The following PCDH19 variants were observed in gnomAD, a reference collection of about 807,000 sequenced individuals.
PCDH19 encodes the protein protocadherin-19.
A neutral mutation model predicts 46.2 loss-of-function variants in PCDH19; 6 were observed. That is an observed-to-expected ratio of 0.13 (90% CI 0.07 to 0.26). The LOEUF is 0.26. Ranked by LOEUF, PCDH19 falls within the 10% of genes least tolerant of loss-of-function variation. The pLI, the probability that PCDH19 is intolerant of heterozygous loss-of-function variation, is 1.00. For synonymous variants in PCDH19, 481 were observed against 415.7 expected (o/e 1.16, Z -1.91); for missense variants, 740 against 972.3 (o/e 0.76, Z 3.18).
chrX:100,364,307 G>A (rs1042364483), intron 3 of PCDH19, among the ~76,000 whole-genome samples: 1 of 111,626 alleles, frequency 9.0e-6, no homozygotes, highest in Non-Finnish European at 1.9e-5. Flanking sequence ...ATTCCTCAGG[G>A]GGGTGCTGTC....
At chrX:100,358,107 GAC>G (rs1392862226) in intron 3 of PCDH19, among the ~76,000 whole-genome samples, 5 of 112,104 alleles carry the variant, frequency 4.5e-5, no homozygotes, top group Non-Finnish European at 9.4e-5. Flanking sequence ...GGGATAAGAT[GAC>G]ACAGTTAGGT....
rs1250694072 is a variant in PCDH19 at position 100,408,657 on chromosome X, G to T, written c.-60C>A. 2 of 996,761 alleles carry T rather than the reference G, an allele frequency of 2.0e-6. No individual in the cohort carries two copies. Among genetic ancestry groups the T allele is most frequent in the East Asian group, 3.4e-5 (1 of 29,710 alleles). The allele number at this position is 996,761 out of a possible 1,213,427, so 82.1% of individuals were successfully genotyped here. ...ACACCCCTCCGAGACCGACGCCGTC[G>T]GCGCTCCAGCTTCCCGCCGGCTCGG... On this transcript the variant is annotated 5_prime_UTR_variant, in exon 1 of 6. Coordinates refer to ENST00000373034, the MANE Select transcript of PCDH19 (RefSeq NM_001184880.2).
At chrX:100,394,937 G>T (rs1927980149) in intron 3 of PCDH19, among the ~76,000 whole-genome samples, 1 of 102,868 alleles carries the variant, frequency 9.7e-6, no homozygotes, top group Non-Finnish European at 2.0e-5. Context: ...GCCCAGGCTG[G>T]AGTGCAGTGG....
chrX:100,346,168 C>A (rs1386298591), intron 4 of PCDH19, among the ~76,000 whole-genome samples: 1 of 111,795 alleles, frequency 8.9e-6, no homozygotes, highest in Non-Finnish European at 1.9e-5. Flanking sequence ...CAGGGTTCTG[C>A]ACAGAAGAGT....
chrX:100,349,167 CA>C (rs1926500327), intron 4 of PCDH19, among the ~76,000 whole-genome samples: 1 of 111,723 alleles, frequency 9.0e-6, no homozygotes, highest in South Asian at 3.8e-4. Flanking sequence ...CTGTTTTTAT[CA>C]AAGTTTTAAA....
intron 2 of PCDH19, among the ~76,000 whole-genome samples, chrX:100,403,210 A>G (rs1425683799): frequency 9.0e-6 from 1 of 111,640 alleles, no homozygotes; most frequent in Non-Finnish European, 1.9e-5. Flanking sequence ...CCTGGAACCA[A>G]AAGGAACTCC....
At chrX:100,320,076 G>A (rs1925427600) in intron 5 of PCDH19, among the ~76,000 whole-genome samples, 1 of 111,475 alleles carries the variant, frequency 9.0e-6, no homozygotes, top group African/African-American at 3.3e-5. Flanking sequence ...CTTCACCAAT[G>A]TCTCACCCTC....
chrX:100,377,530 G>A (rs1349837316), intron 3 of PCDH19, among the ~76,000 whole-genome samples: 1 of 112,087 alleles, frequency 8.9e-6, no homozygotes, highest in Non-Finnish European at 1.9e-5. Context: ...GCAGTATCTA[G>A]CCCAGACTGA....
At chrX:100,359,216 A>C (rs1926803364) in intron 3 of PCDH19, among the ~76,000 whole-genome samples, 1 of 112,102 alleles carries the variant, frequency 8.9e-6, no homozygotes, top group African/African-American at 3.2e-5. Context: ...AGCAATCAGA[A>C]AACAGTAACA....
At chrX:100,404,649 T>C (rs890662988) in intron 1 of PCDH19, among the ~76,000 whole-genome samples, 2 of 108,495 alleles carry the variant, frequency 1.8e-5, no homozygotes, top group African/African-American at 3.4e-5. Flanking sequence ...GCTCTCCTCC[T>C]GTTTAATCAT....
chrX:100,404,490 C>A (rs1928285557), intron 1 of PCDH19, among the ~76,000 whole-genome samples: 1 of 112,294 alleles, frequency 8.9e-6, no homozygotes, highest in Non-Finnish European at 1.9e-5. Flanking sequence ...CATTGTGCAG[C>A]CCTTTCTGTA....
At chrX:100,391,025 C>T (rs188782520) in intron 3 of PCDH19, among the ~76,000 whole-genome samples, 5 of 111,708 alleles carry the variant, frequency 4.5e-5, no homozygotes, top group African/African-American at 1.3e-4. Flanking sequence ...CAAGCAACTG[C>T]ATTAGAAGTT....
At chrX:100,333,244 A>AGAAAG (rs1925975535) in intron 5 of PCDH19, among the ~76,000 whole-genome samples, 1 of 108,192 alleles carries the variant, frequency 9.2e-6, no homozygotes, top group Non-Finnish European at 1.9e-5. Context: ...AAAGAAAGAA[A>AGAAAG]GAAAGGGAAA....
At chrX:100,392,334 G>A (rs1325550293) in intron 3 of PCDH19, among the ~76,000 whole-genome samples, 1 of 112,175 alleles carries the variant, frequency 8.9e-6, no homozygotes, top group African/African-American at 3.2e-5. Flanking sequence ...ACCTAGAAGT[G>A]TAAGCACACA....
rs1926728125 is a variant in PCDH19 at position 100,356,758 on chromosome X, T to TTCTCCC, written c.2617-6055_2617-6054insGGGAGA. Among the ~76,000 whole-genome samples the TTCTCCC allele has an allele frequency of 1.9e-5, 2 of 102,980 alleles. 1 individual carries two copies. Among genetic ancestry groups the TTCTCCC allele is most frequent in the South Asian group, 9.5e-4 (2 of 2,100 alleles). The allele number at this position is 102,980 out of a possible 115,157, so 89.4% of individuals were successfully genotyped here. On this transcript the variant is annotated intron_variant, in intron 3 of 5. Coordinates refer to ENST00000373034, the MANE Select transcript of PCDH19 (RefSeq NM_001184880.2). ...CCCCACACACCCCAGCCCTAATTCA[T>TTCTCCC]TCTCTCTCTCTCTCTCACACACACA...
At chrX:100,328,655 G>A (rs1212023631) in intron 5 of PCDH19, among the ~76,000 whole-genome samples, 3 of 111,632 alleles carry the variant, frequency 2.7e-5, no homozygotes, top group African/African-American at 9.8e-5. Context: ...CATAACGGTG[G>A]TAGAAACATC....
chrX:100,311,792 A>T (rs1925137638), intron 5 of PCDH19, among the ~76,000 whole-genome samples: 1 of 110,746 alleles, frequency 9.0e-6, no homozygotes, highest in Admixed American at 9.6e-5. Context: ...CCTGGGATGG[A>T]CTATTCATTA....
At chrX:100,361,919 G>A (rs935928413) in intron 3 of PCDH19, among the ~76,000 whole-genome samples, 1 of 111,778 alleles carries the variant, frequency 8.9e-6, no homozygotes, top group Admixed American at 9.5e-5. Context: ...TTCAAAGGCA[G>A]TGAACACAAC....
rs534321169 is a variant in PCDH19, at chrX:100,385,535, C to A, written c.2616+16989G>T. Among the ~76,000 whole-genome samples, 9 of 111,988 alleles carry A rather than the reference C, an allele frequency of 8.0e-5. No individual in the cohort carries two copies. The South Asian group carries it at 3.4e-3, about 42-fold the overall frequency. On this transcript the variant is annotated intron_variant, in intron 3 of 5. Coordinates refer to ENST00000373034, the MANE Select transcript of PCDH19 (RefSeq NM_001184880.2). ...GCGATTGTTTGAGTAAAACTAAACC[C>A]TATCTGTAGAACAGAATACAATTCA...
Sources: gnomAD v4.1 joint callset for allele counts (sites outside exome capture counted in the v4.1 genomes callset) on GRCh38, gnomAD v4.1.1 for gene constraint, MANE v1.5 for transcripts, NCBI Gene and HGNC (gene_info 2026-07-23, HGNC 2026-07-21) for gene names.